SSR2: variants seen among roughly 807,000 people sequenced by gnomAD.
The protein encoded by SSR2 is translocon-associated protein subunit beta.
Under a neutral mutation model 22.6 loss-of-function variants are expected in SSR2, and 16 were observed. The ratio of observed to expected loss-of-function variants is 0.71; its 90% CI spans 0.48 to 1.08. The LOEUF (loss-of-function observed/expected upper bound fraction) is 1.08. Among genes scored for constraint, SSR2 ranks in the 50% least tolerant of loss-of-function variants. The pLI, the probability that SSR2 is intolerant of heterozygous loss-of-function variation, is 0.00. For synonymous variants in SSR2, 83 were observed against 91.2 expected, an observed-to-expected ratio of 0.91 and a Z score of 0.51; for missense variants, 171 against 221.6, an observed-to-expected ratio of 0.77 and a Z score of 1.45.
chr1:156,012,410 G>A, intron 4 of SSR2: 1 of 398,356 alleles, frequency 2.5e-6, no homozygotes, highest in South Asian at 1.8e-5. Context: ...TAGAGGAGGG[G>A]TTGAGTCTGG....
At position 156,011,794 on chromosome 1, in the gene SSR2, A is replaced by G; in HGVS notation, c.441+16T>C. On this transcript the variant is annotated intron_variant, in intron 5 of 5. Transcript: ENST00000295702. Reference sequence around the variant, plus strand: ...CATACCAAGGAACTGATGAGAGAGAACACTAGAAAGCTTACAAAATGAGGG... The same window carrying G: ...CATACCAAGGAACTGATGAGAGAGAGCACTAGAAAGCTTACAAAATGAGGG... The G allele has an allele frequency of 6.2e-7, 1 of 1,609,406 alleles. No individual in the cohort carries two copies. The highest frequency in any genetic ancestry group is 1.3e-5 in the African/African-American group (1 of 74,956).
chr1:156,016,164 TAC>T (rs745418197), intron 3 of SSR2, among the ~76,000 whole-genome samples: 56 of 151,976 alleles, frequency 3.7e-4, no homozygotes, highest in Admixed American at 6.6e-4. Flanking sequence ...AAAAAAAAAT[TAC>T]AGTCATTCAA....
chr1:156,009,699 G>A (rs1454645360), intron 5 of SSR2, 49 bp from the exon 6 acceptor site: 1 of 1,288,452 alleles, frequency 7.8e-7, no homozygotes. Flanking sequence ...TTAGGGCACA[G>A]GAGAAGCCAG....
chr1:156,018,126 A>T, intron 3 of SSR2, 144 bp downstream of exon 3: 1 of 616,660 alleles, frequency 1.6e-6, no homozygotes. Context: ...CACAATTTAC[A>T]CCAACCTCTC....
rs147448292 is a variant in SSR2, at chr1:156,012,440, G to T, written c.364-553C>A. ...GTCTGGTCCACATTCCTTTGTCTTGGAGAGGAAGCCAAGAGTTTGGAGCAC... is the reference window on the plus strand; with the variant it reads ...GTCTGGTCCACATTCCTTTGTCTTGTAGAGGAAGCCAAGAGTTTGGAGCAC... On this transcript the variant is annotated intron_variant, in intron 4 of 5. Coordinates refer to ENST00000295702, the MANE Select transcript of SSR2 (RefSeq NM_003145.4). 2.6e-3 allele frequency: 1,139 copies of T among 439,028 alleles called. 5 individuals are homozygous for T. The highest frequency in any genetic ancestry group is 4.2e-3 in the Non-Finnish European group (910 of 216,734). 27.2% of individuals were successfully genotyped at this position (439,028 alleles called of 1,614,324 possible).
chr1:156,018,900 T>C (rs1362715517), intron 2 of SSR2, among the ~76,000 whole-genome samples: 1 of 151,530 alleles, frequency 6.6e-6, no homozygotes, highest in East Asian at 1.9e-4. Context: ...CCAGGCATGG[T>C]GGTATGCGCC....
chr1:156,015,535 A>AAAAAACTAT, intron 3 of SSR2, among the ~76,000 whole-genome samples: 1 of 46,772 alleles, frequency 2.1e-5, no homozygotes, highest in Non-Finnish European at 3.8e-5. Context: ...AAAAAAAAAA[A>AAAAAACTAT]ATATATATAT....
At chr1:156,009,700 G>A (rs1021681140) in intron 5 of SSR2, 50 bp from the exon 6 acceptor site, 1 of 1,289,896 alleles carries the variant, frequency 7.8e-7, no homozygotes, top group Non-Finnish European at 1.1e-6. Context: ...TAGGGCACAG[G>A]AGAAGCCAGG....
chr1:156,011,962 C>T, intron 4 of SSR2, 75 bp from the exon 5 acceptor site: 5 of 1,133,942 alleles, frequency 4.4e-6, no homozygotes, highest in Non-Finnish European at 6.6e-6. Context: ...TGAGAAAGGG[C>T]AGTCCCAACC....
intron 5 of SSR2, chr1:156,011,456 T>C (rs1277660718): frequency 5.9e-6 from 1 of 170,728 alleles, no homozygotes; most frequent in African/African-American, 2.4e-5. Flanking sequence ...TTTCCTAGAC[T>C]AGACCACAGT....
chr1:156,018,731 T>C (rs1362848143), intron 2 of SSR2, among the ~76,000 whole-genome samples: 1 of 148,080 alleles, frequency 6.8e-6, no homozygotes, highest in East Asian at 2.0e-4. Flanking sequence ...ATTAAAGCAA[T>C]AGTCCGGGCG....
chr1:156,016,073 C>T (rs1048810968), intron 3 of SSR2, among the ~76,000 whole-genome samples: 2 of 151,846 alleles, frequency 1.3e-5, no homozygotes, highest in African/African-American at 2.4e-5. Flanking sequence ...ATCGCTTGAA[C>T]TCGGGAGCCA....
chr1:156,017,530 A>C (rs1468679109), intron 3 of SSR2, among the ~76,000 whole-genome samples: 1 of 151,696 alleles, frequency 6.6e-6, no homozygotes, highest in African/African-American at 2.4e-5. Flanking sequence ...TTGTATTTTT[A>C]GTAGAGACGG....
Position 156,011,847 on chromosome 1 carries a change from G to A in SSR2, c.404C>T (p.Ala135Val), listed in dbSNP as rs1682982364. Residue 135 changes from alanine (A) to valine (V), a missense_variant, in exon 5 of 6, where the codon GCT (alanine) becomes GTT (valine). Coordinates refer to ENST00000295702, the MANE Select transcript of SSR2 (RefSeq NM_003145.4). ...TSAPGQGGIL[A>V]QREFDRRFSP... is the part of the protein sequence containing the mutation. ...GAATCGCCTGTCAAACTCCCGCTGA[G>A]CCAGGATTCCTCCCTGTCCAGGTGC... The A allele has an allele frequency of 6.2e-7, 1 of 1,613,916 alleles. No individual in the cohort carries two copies. Among genetic ancestry groups the A allele is most frequent in the Non-Finnish European group, 8.5e-7 (1 of 1,179,970 alleles).
At chr1:156,014,834 C>T in intron 4 of SSR2, 127 bp downstream of exon 4, 2 of 774,258 alleles carry the variant, frequency 2.6e-6, no homozygotes, top group Non-Finnish European at 4.3e-6. Flanking sequence ...AGCCACTGCG[C>T]CCAGTCCTAA....
chr1:156,019,942 C>A, intron 2 of SSR2, 71 bp downstream of exon 2: 1 of 1,526,764 alleles, frequency 6.5e-7, no homozygotes. Context: ...CACCAATATG[C>A]TCCCTATTCC....
chr1:156,012,845 C>A (rs1682998394), intron 4 of SSR2: 1 of 238,180 alleles, frequency 4.2e-6, no homozygotes, highest in African/African-American at 2.2e-5. Context: ...GTATATTAAT[C>A]CTCTTGGTAT....
Position 156,011,795 on chromosome 1 carries a change from C to CA in SSR2, c.441+14dup. ...ATACCAAGGAACTGATGAGAGAGAA[C>CA]ACTAGAAAGCTTACAAAATGAGGGG... On this transcript the variant is annotated intron_variant, in intron 5 of 5. Transcript: ENST00000295702. The CA allele has an allele frequency of 6.2e-7, 1 of 1,609,856 alleles. No individual in the cohort carries two copies.
chr1:156,009,461 T>C lies in SSR2; in HGVS notation c.*79A>G. On this transcript the variant is annotated 3_prime_UTR_variant, in exon 6 of 6. Transcript: ENST00000295702. Reference sequence around the variant, plus strand: ...AGAAGAGATTGCATTTAAGATACCCTTTGGAGTCTGGAAAGCACCTGGATT... The same window carrying C: ...AGAAGAGATTGCATTTAAGATACCCCTTGGAGTCTGGAAAGCACCTGGATT... The C allele has an allele frequency of 1.8e-6, 2 of 1,103,756 alleles. No homozygotes were observed. The highest frequency in any genetic ancestry group is 2.8e-6 in the Non-Finnish European group (2 of 719,592). 68.4% of individuals were successfully genotyped at this position (1,103,756 alleles called of 1,614,324 possible).
Sources: gnomAD v4.1 joint callset for allele counts (sites outside exome capture counted in the v4.1 genomes callset) on GRCh38, gnomAD v4.1.1 for gene constraint, MANE v1.5 for transcripts, NCBI Gene and HGNC (gene_info 2026-07-23, HGNC 2026-07-21) for gene names.